LSAMP: variants seen among roughly 807,000 people sequenced by gnomAD.
The protein encoded by LSAMP is limbic system associated membrane protein.
Under a neutral mutation model 38.6 loss-of-function variants are expected in LSAMP, and 7 were observed. That is an observed-to-expected ratio of 0.18 (90% confidence interval 0.10 to 0.34). The LOEUF is 0.34. Among genes scored for constraint, LSAMP ranks in the 10% least tolerant of loss-of-function variants. The probability of loss-of-function intolerance (pLI) is 1.00; values close to 1 mark genes in which losing one functional copy is unlikely to be tolerated. For synonymous variants in LSAMP, 154 were observed against 166.8 expected, an observed-to-expected ratio of 0.92 and a Z score of 0.59; for missense variants, 313 against 420.0, an observed-to-expected ratio of 0.75 and a Z score of 2.23.
intron 1 of LSAMP, among the ~76,000 whole-genome samples, chr3:116,200,190 T>C (rs192146815): frequency 2.0e-5 from 3 of 151,946 alleles, no homozygotes; most frequent in African/African-American, 7.2e-5. Flanking sequence ...GGTTGAACAG[T>C]TCATACGAAA....
rs530365797 is a variant in LSAMP, at chr3:115,981,424, T to TA, written c.514+38090dup. ...TCCCTATTGTTGACAGTATGATCTT[T>TA]AAAAAAAAAACTGTATCTTTTGAAA... On this transcript the variant is annotated intron_variant, in intron 3 of 6. Coordinates refer to ENST00000490035, the MANE Select transcript of LSAMP (RefSeq NM_002338.5). Among the ~76,000 whole-genome samples, 54 of 149,530 alleles carry TA rather than the reference T, an allele frequency of 3.6e-4. No individual in the cohort carries two copies. The South Asian group carries it at 4.5e-3, about 12-fold the overall frequency.
chr3:116,370,385 T>G (rs896449690), intron 1 of LSAMP, among the ~76,000 whole-genome samples: 1 of 152,120 alleles, frequency 6.6e-6, no homozygotes, highest in Non-Finnish European at 1.5e-5. Context: ...CAGATAACAG[T>G]TGTACTGGCA....
chr3:116,370,694 C>A (rs1193075876), intron 1 of LSAMP, among the ~76,000 whole-genome samples: 1 of 152,126 alleles, frequency 6.6e-6, no homozygotes, highest in Non-Finnish European at 1.5e-5. Flanking sequence ...GAAGTGCAGA[C>A]AAAGAGGTGC....
intron 6 of LSAMP, among the ~76,000 whole-genome samples, chr3:115,828,733 C>T (rs1934511335): frequency 1.3e-5 from 2 of 152,284 alleles, no homozygotes; most frequent in South Asian, 4.1e-4. Context: ...CCAAATGTAA[C>T]TGTTACTTTG....
chr3:116,338,720 A>G (rs1480135916), intron 1 of LSAMP, among the ~76,000 whole-genome samples: 1 of 152,020 alleles, frequency 6.6e-6, no homozygotes, highest in Non-Finnish European at 1.5e-5. Context: ...TGAGGTGTGG[A>G]CTGTCATTCT....
intron 1 of LSAMP, among the ~76,000 whole-genome samples, chr3:116,388,747 G>T (rs947559711): frequency 2.0e-5 from 3 of 152,088 alleles, no homozygotes; most frequent in Admixed American, 6.6e-5. Flanking sequence ...AAGTAATCTG[G>T]CAAAATATAA....
At chr3:116,259,744 A>G (rs755872772) in intron 1 of LSAMP, among the ~76,000 whole-genome samples, 2 of 152,110 alleles carry the variant, frequency 1.3e-5, no homozygotes, top group Non-Finnish European at 2.9e-5. Flanking sequence ...TGAGTGTACA[A>G]GTGACTGGAT....
intron 1 of LSAMP, among the ~76,000 whole-genome samples, chr3:116,158,089 A>G (rs1709798015): frequency 6.6e-6 from 1 of 152,206 alleles, no homozygotes; most frequent in Admixed American, 6.6e-5. Flanking sequence ...ATAAAAACAG[A>G]ACGAAAACAA....
chr3:115,991,475 G>A (rs1297251290), intron 3 of LSAMP, among the ~76,000 whole-genome samples: 1 of 151,978 alleles, frequency 6.6e-6, no homozygotes, highest in Admixed American at 6.6e-5. Context: ...ACACATGTAT[G>A]GCTTAGCAAA....
intron 6 of LSAMP, among the ~76,000 whole-genome samples, chr3:115,821,316 T>C (rs1934230361): frequency 6.6e-6 from 1 of 152,222 alleles, no homozygotes; most frequent in Non-Finnish European, 1.5e-5. Context: ...ATCTGGGAGA[T>C]GAAGTGAGGG....
At chr3:115,993,424 A>G (rs1939728072) in intron 3 of LSAMP, among the ~76,000 whole-genome samples, 1 of 152,110 alleles carries the variant, frequency 6.6e-6, no homozygotes, top group Admixed American at 6.6e-5. Context: ...TAAAGGAATC[A>G]ATTCCTCAAA....
intron 6 of LSAMP, among the ~76,000 whole-genome samples, chr3:115,830,668 TAAG>T (rs547367525): frequency 1.8e-3 from 268 of 152,338 alleles, no homozygotes; most frequent in Non-Finnish European, 3.3e-3. Context: ...ACTGTTGTAT[TAAG>T]GAGCTGAAAA....
intron 1 of LSAMP, among the ~76,000 whole-genome samples, chr3:116,159,331 G>C (rs1709828491): frequency 6.6e-6 from 1 of 152,024 alleles, no homozygotes; most frequent in East Asian, 1.9e-4. Flanking sequence ...CTATAGAATG[G>C]GAGTAAATAT....
At chr3:116,220,209 CACACA>C (rs2046265717) in intron 1 of LSAMP, among the ~76,000 whole-genome samples, 1 of 151,660 alleles carries the variant, frequency 6.6e-6, no homozygotes. Flanking sequence ...CACACACACA[CACACA>C]ATGAGATATC....
chr3:115,981,786 A>C (rs1204232080), intron 3 of LSAMP, among the ~76,000 whole-genome samples: 2 of 152,206 alleles, frequency 1.3e-5, no homozygotes, highest in African/African-American at 4.8e-5. Flanking sequence ...GCACATCGGA[A>C]TTCTAATCAA....
At chr3:116,319,901 C>T (rs1013975096) in intron 1 of LSAMP, among the ~76,000 whole-genome samples, 2 of 151,746 alleles carry the variant, frequency 1.3e-5, no homozygotes, top group Admixed American at 6.6e-5. Flanking sequence ...GATGGAAAAC[C>T]AAACAATGGT....
intron 1 of LSAMP, among the ~76,000 whole-genome samples, chr3:116,109,550 A>G (rs913757721): frequency 6.6e-6 from 1 of 152,142 alleles, no homozygotes; most frequent in East Asian, 1.9e-4. Flanking sequence ...ACCTCAGACC[A>G]TTTGCTCATT....
chr3:116,129,716 G>A (rs1709083332), intron 1 of LSAMP, among the ~76,000 whole-genome samples: 1 of 152,238 alleles, frequency 6.6e-6, no homozygotes, highest in Non-Finnish European at 1.5e-5. Context: ...TTGGTCAGTG[G>A]AAGAATGAAT....
Position 115,806,168 on chromosome 3 carries a change from G to A in LSAMP, c.*4149C>T, listed in dbSNP as rs575170831. The A allele has an allele frequency of 3.9e-5, 6 of 152,182 alleles. No homozygotes were observed. In the South Asian group the frequency reaches 1.0e-3, roughly 26 times the overall value. 9.4% of individuals were successfully genotyped at this position (152,182 alleles called of 1,614,324 possible). A position where few individuals can be genotyped will look rare whatever the true frequency, so the allele number is the denominator to read the frequency against. On this transcript the variant is annotated 3_prime_UTR_variant, in exon 7 of 7. Coordinates refer to ENST00000490035, the MANE Select transcript of LSAMP (RefSeq NM_002338.5). ...TCTTTTCGCCAAATAATTACAAAAC[G>A]GAAAAAGTGGGGCTCTATGTCTTTC...
Sources: allele counts gnomAD v4.1 joint callset (sites outside exome capture counted in the v4.1 genomes callset), GRCh38; gene constraint gnomAD v4.1.1; transcripts MANE v1.5; gene names NCBI Gene and HGNC (gene_info 2026-07-23, HGNC 2026-07-21).